Variants in OTOG observed in about 807,000 individuals in gnomAD.
OTOG encodes otogelin.
OTOG carries 296 observed loss-of-function variants against 313.8 expected under a neutral mutation model. The observed-to-expected ratio is 0.94, with a 90% CI of 0.86 to 1.04. The LOEUF is 1.04. Ranked by LOEUF, OTOG falls within the 50% of genes least tolerant of loss-of-function variation. The probability of loss-of-function intolerance (pLI) is 0.00; values close to 1 mark genes in which losing one functional copy is unlikely to be tolerated. For synonymous variants in OTOG, 1,533 were observed against 1,554.9 expected, an observed-to-expected ratio of 0.99 and a Z score of 0.33; for missense variants, 3,948 against 3,840.1, an observed-to-expected ratio of 1.03 and a Z score of -0.74.
At chr11:17,621,978 G>C (rs769161560) in intron 39 of OTOG, among the ~76,000 whole-genome samples, 1 of 152,038 alleles carries the variant, frequency 6.6e-6, no homozygotes, top group Non-Finnish European at 1.5e-5. Flanking sequence ...TCCTTGCATG[G>C]AGTCCTATGA....
Position 17,635,591 on chromosome 11 carries a change from T to A in OTOG, c.7694-19T>A. On this transcript the variant is annotated intron_variant, in intron 46 of 55. Transcript: ENST00000399397. The stretch of plus-strand genomic sequence containing the variant: ...TATGAGAGGACTGCTGTGACAGCAT[T>A]GACCCTCTTCCCCCTCAGCCTGTGG... 6.5e-7 allele frequency: 1 copy of A among 1,541,028 alleles called. No homozygotes were observed. Among genetic ancestry groups the A allele is most frequent in the African/African-American group, 1.4e-5 (1 of 72,934 alleles).
chr11:17,625,849 G>A (rs1440736417), intron 39 of OTOG, among the ~76,000 whole-genome samples: 1 of 152,040 alleles, frequency 6.6e-6, no homozygotes, highest in African/African-American at 2.4e-5. Flanking sequence ...CTGTGCTTTT[G>A]GGGTATTATT....
chr11:17,613,170 TTTTCTTTCTTTCTTTC>T (rs201528443), intron 38 of OTOG, among the ~76,000 whole-genome samples: 1 of 125,574 alleles, frequency 8.0e-6, no homozygotes, highest in African/African-American at 3.2e-5. Context: ...CTCTTCTCCC[TTTTCTTTCTTTCTTTC>T]TTTCTTTCTT....
intron 32 of OTOG, among the ~76,000 whole-genome samples, chr11:17,605,450 T>C (rs1853358380): frequency 6.6e-6 from 1 of 152,156 alleles, no homozygotes; most frequent in African/African-American, 2.4e-5. Flanking sequence ...ACATGTCTAA[T>C]GCAATGCAAC....
intron 13 of OTOG, 65 bp downstream of exon 13, chr11:17,560,882 C>T (rs1852166465): frequency 7.2e-7 from 1 of 1,389,538 alleles, no homozygotes; most frequent in Non-Finnish European, 1.0e-6. Flanking sequence ...ACGAGGGCTG[C>T]CCATCTGGGA....
At chr11:17,628,670 C>T (rs890529220) in intron 39 of OTOG, among the ~76,000 whole-genome samples, 2 of 152,190 alleles carry the variant, frequency 1.3e-5, no homozygotes, top group African/African-American at 2.4e-5. Context: ...GAAACAGATA[C>T]TTAATGGCCA....
At chr11:17,624,648 T>C (rs1184781387) in intron 39 of OTOG, among the ~76,000 whole-genome samples, 1 of 152,234 alleles carries the variant, frequency 6.6e-6, no homozygotes, top group African/African-American at 2.4e-5. Flanking sequence ...TCATTTTTGG[T>C]TCCATATGAA....
At chr11:17,609,001 C>T (rs1246966007) in intron 34 of OTOG, 129 bp from the exon 35 acceptor site, 12 of 707,006 alleles carry the variant, frequency 1.7e-5, no homozygotes, top group Non-Finnish European at 2.9e-5. Flanking sequence ...TGTGTGTGTA[C>T]ACGTAATAAG....
At chr11:17,608,487 T>C in intron 34 of OTOG, 74 bp downstream of exon 34, 1 of 1,017,732 alleles carries the variant, frequency 9.8e-7, no homozygotes, top group Non-Finnish European at 1.4e-6. Flanking sequence ...CATACACTTG[T>C]GTATGAGTGT....
chr11:17,564,963 T>A (rs1425606971), intron 15 of OTOG, among the ~76,000 whole-genome samples: 1 of 152,212 alleles, frequency 6.6e-6, no homozygotes, highest in East Asian at 1.9e-4. Context: ...GTAGACTTTA[T>A]GTTTTAGAAC....
intron 39 of OTOG, among the ~76,000 whole-genome samples, chr11:17,624,379 A>G (rs1853934759): frequency 6.6e-6 from 1 of 152,198 alleles, no homozygotes; most frequent in Non-Finnish European, 1.5e-5. Flanking sequence ...ATGGCTAGCC[A>G]TTTATCCCAG....
Position 17,596,086 on chromosome 11 carries a change from C to A in OTOG, c.3457C>A (p.Arg1153=). The A allele has an allele frequency of 6.4e-7, 1 of 1,550,832 alleles. No homozygotes were observed. The highest frequency in any genetic ancestry group is 8.7e-7 in the Non-Finnish European group (1 of 1,147,054). Residue 1153 remains arginine, a synonymous_variant, in exon 29 of 56, where the codon CGA becomes AGA. Transcript: ENST00000399397. The stretch of plus-strand genomic sequence containing the variant: ...GGATATGTGTGTCCTGAATCCTCTC[C>A]GAGAACCATTTGCCAAGAAGGAGTG... ...PRDMCVLNPL[R]EPFAKKECSI...
At chr11:17,642,465 G>A (rs1590063566) in intron 53 of OTOG, among the ~76,000 whole-genome samples, 1 of 152,218 alleles carries the variant, frequency 6.6e-6, no homozygotes, top group Non-Finnish European at 1.5e-5. Flanking sequence ...ATGCAGATGT[G>A]CACAAACACA....
rs1023370517 is a variant in OTOG at position 17,586,534 on chromosome 11, G to A, written c.2820G>A (p.Gly940=). ...LPEECPCTWK[G]KEYFPGDQVM... ...AGGAGTGCCCCTGCACTTGGAAGGGGAAGGAGTATTTCCCTGGGGACCAGG... is the reference window on the plus strand; with the variant it reads ...AGGAGTGCCCCTGCACTTGGAAGGGAAAGGAGTATTTCCCTGGGGACCAGG... Residue 940 remains glycine, a synonymous_variant, in exon 24 of 56, where the codon GGG becomes GGA. Coordinates refer to ENST00000399397, the MANE Select transcript of OTOG (RefSeq NM_001292063.2). 6.9e-7 allele frequency: 1 copy of A among 1,451,602 alleles called. No individual in the cohort carries two copies. The highest frequency in any genetic ancestry group is 9.1e-7 in the Non-Finnish European group (1 of 1,097,428). 89.9% of individuals were successfully genotyped at this position (1,451,602 alleles called of 1,614,324 possible). A position where few individuals can be genotyped will look rare whatever the true frequency, so the allele number is the denominator to read the frequency against.
chr11:17,626,094 G>A (rs560307204), intron 39 of OTOG, among the ~76,000 whole-genome samples: 29 of 152,210 alleles, frequency 1.9e-4, no homozygotes, highest in African/African-American at 5.5e-4. Flanking sequence ...CACTTTTGTC[G>A]AAAATGAGTT....
chr11:17,596,143 T>C lies in OTOG; in HGVS notation c.3514T>C (p.Cys1172Arg). 6.5e-7 allele frequency: 1 copy of C among 1,549,804 alleles called. No homozygotes were observed. The highest frequency in any genetic ancestry group is 8.7e-7 in the Non-Finnish European group (1 of 1,146,282). Residue 1172 changes from cysteine (C) to arginine (R), a missense_variant, in exon 29 of 56, where the codon TGC becomes CGC. Transcript: ENST00000399397. ...SILLSEVFEICHPVVDVTWFY... is the reference protein window; with the variant it reads ...SILLSEVFEIRHPVVDVTWFY... ...CCTGCTCAGTGAGGTGTTTGAGATCTGCCACCCTGTGGTGAGTGTACCCCA... is the reference window on the plus strand; with the variant it reads ...CCTGCTCAGTGAGGTGTTTGAGATCCGCCACCCTGTGGTGAGTGTACCCCA...
chr11:17,574,615 T>C lies in OTOG; in HGVS notation c.2294-105T>C. ...TGCTGTGTGACCTCAGACAAATGTC[T>C]GAACTTCTCTGGATCTCCATTCTCC... is the stretch of plus-strand genomic sequence containing the variant. On this transcript the variant is annotated intron_variant, in intron 19 of 55. Transcript: ENST00000399397. 3.3e-6 allele frequency: 4 copies of C among 1,205,494 alleles called. No individual in the cohort carries two copies. In the South Asian group the frequency reaches 6.4e-5, roughly 19 times the overall value. 74.7% of individuals were successfully genotyped at this position (1,205,494 alleles called of 1,614,324 possible).
In OTOG at chr11:17,638,471, C is replaced by A. The variant is rs1250280948; in HGVS notation, c.7816C>A (p.Pro2606Thr). Residue 2606 changes from proline to threonine, a missense_variant, in exon 48 of 56, where the codon CCC becomes ACC. Physicochemically the swap from Pro to Thr is conservative, Grantham distance 38. Coordinates refer to ENST00000399397, the MANE Select transcript of OTOG (RefSeq NM_001292063.2). ...YQCVCENFRC[P>T]QVQCGLGTAL... ...CACAGTGTGTGAGAACTTCCGCTGT[C>A]CCCAAGTGCAGTGTGGCCTGGGCAC... 3.2e-6 allele frequency: 5 copies of A among 1,549,804 alleles called. No individual in the cohort carries two copies. In the East Asian group the frequency reaches 1.2e-4, roughly 38 times the overall value.
rs1329315634 is a variant in OTOG at position 17,640,951 on chromosome 11, A to G, written c.8050A>G (p.Met2684Val). Residue 2684 changes from methionine to valine, a missense_variant, in exon 51 of 56, where the codon ATG (methionine) becomes GTG (valine). Physicochemically the swap from Met to Val is conservative, Grantham distance 21. Transcript: ENST00000399397. ...GTGTCTGAGCCGCGAGCTGGGTGTG[A>G]TGCAGCCCGGCCAGACAGTGGTGGA... is the stretch of plus-strand genomic sequence containing the variant. Reference protein sequence around the residue: ...PVCLSRELGVMQPGQTVVELS... With the variant: ...PVCLSRELGVVQPGQTVVELS... The G allele has an allele frequency of 3.9e-6, 6 of 1,548,284 alleles. No homozygotes were observed. The highest frequency in any genetic ancestry group is 5.2e-6 in the Non-Finnish European group (6 of 1,146,964).
Sources: allele counts gnomAD v4.1 joint callset (sites outside exome capture counted in the v4.1 genomes callset), GRCh38; gene constraint gnomAD v4.1.1; transcripts MANE v1.5; gene names NCBI Gene and HGNC (gene_info 2026-07-23, HGNC 2026-07-21).